The following TCF7L1 variants were observed in gnomAD, a reference collection of about 807,000 sequenced individuals.
TCF7L1 encodes the protein transcription factor 7 like 1.
In TCF7L1, 18 loss-of-function variants were observed where a neutral mutation model predicts 63.7. The ratio of observed to expected loss-of-function variants is 0.28; its 90% CI spans 0.20 to 0.42. TCF7L1 has a LOEUF of 0.42. TCF7L1 is among the 10% of genes least tolerant of loss of function. The pLI is 1.00. For synonymous variants in TCF7L1, 355 were observed against 340.9 expected, an observed-to-expected ratio of 1.04 and a Z score of -0.46; for missense variants, 654 against 779.3, an observed-to-expected ratio of 0.84 and a Z score of 1.91.
At position 85,309,646 on chromosome 2, in the gene TCF7L1, AAAAAC is replaced by A. The variant is rs989771911; in HGVS notation, c.*197_*201del. ...AGTAGCTGATCTTAAGGCTTTTTTA[AAAAAC>A]AAAACAAAACAACAAAAAAAAATCT... On this transcript the variant is annotated 3_prime_UTR_variant, in exon 12 of 12. Transcript: ENST00000282111. 1.3e-5 allele frequency: 7 copies of A among 526,018 alleles called. No homozygotes were observed. Among genetic ancestry groups the A allele is most frequent in the African/African-American group, 2.0e-5 (1 of 51,044 alleles). The allele number at this position is 526,018 out of a possible 1,614,324, so 32.6% of individuals were successfully genotyped here.
At chr2:85,236,903 T>C (rs967748987) in intron 3 of TCF7L1, among the ~76,000 whole-genome samples, 1 of 152,190 alleles carries the variant, frequency 6.6e-6, no homozygotes, top group Non-Finnish European at 1.5e-5. Flanking sequence ...TCCCTAAACC[T>C]GTCTACCACC....
chr2:85,256,262 T>A (rs575791946), intron 3 of TCF7L1, among the ~76,000 whole-genome samples: 1 of 150,478 alleles, frequency 6.6e-6, no homozygotes, highest in Admixed American at 6.6e-5. Context: ...AAGGCTGCTC[T>A]TTGTGTTCTC....
chr2:85,287,770 G>A (rs990922157), intron 4 of TCF7L1, among the ~76,000 whole-genome samples: 2 of 152,162 alleles, frequency 1.3e-5, no homozygotes, highest in African/African-American at 2.4e-5. Context: ...TCATTCCAAC[G>A]AGAGGTGTGT....
Position 85,306,396 on chromosome 2 carries a change from G to A in TCF7L1, c.1149+31G>A, listed in dbSNP as rs762368933. On this transcript the variant is annotated intron_variant, in intron 9 of 11. Transcript: ENST00000282111. This position sits in a 1 kb window ranked among gnomAD's most constrained non-coding sequence, Gnocchi z 4.3. ...ACCTGCCCTCTCCCTCCAGGCCAGG[G>A]AGGCAGCGTCCCTGCATTGATGGCT... 29 of 1,612,850 alleles carry A rather than the reference G, an allele frequency of 1.8e-5. No individual in the cohort carries two copies. The East Asian group carries it at 6.2e-4, about 35-fold the overall frequency.
intron 3 of TCF7L1, among the ~76,000 whole-genome samples, chr2:85,162,654 G>A (rs941524179): frequency 6.6e-6 from 1 of 152,094 alleles, no homozygotes; most frequent in African/African-American, 2.4e-5. Context: ...GGTCACCTTC[G>A]GTTGCCTTGG....
chr2:85,144,447 A>T (rs1424288790), intron 3 of TCF7L1, among the ~76,000 whole-genome samples: 1 of 151,562 alleles, frequency 6.6e-6, no homozygotes, highest in African/African-American at 2.4e-5. Flanking sequence ...AAAACCAAAA[A>T]AAACATTAGC....
Position 85,292,222 on chromosome 2 carries a change from G to A in TCF7L1, c.525+8644G>A, listed in dbSNP as rs1254809430. Reference sequence around the variant, plus strand: ...TTTTTAGTAGAGACGGGGTTTCACCGTTTTAGCCGGGATGGTCTCGATCTC... The same window carrying A: ...TTTTTAGTAGAGACGGGGTTTCACCATTTTAGCCGGGATGGTCTCGATCTC... On this transcript the variant is annotated intron_variant, in intron 4 of 11. Transcript: ENST00000282111. 3.4e-4 allele frequency among the ~76,000 whole-genome samples: 6 copies of A among 17,466 alleles called. 2 individuals are homozygous for A. The highest frequency in any genetic ancestry group is 3.9e-4 in the Non-Finnish European group (5 of 12,792). The allele number at this position is 17,466 out of a possible 152,430, so 11.5% of individuals were successfully genotyped here. A position where few individuals can be genotyped will look rare whatever the true frequency, so the allele number is the denominator to read the frequency against.
At chr2:85,147,181 C>T (rs1253232523) in intron 3 of TCF7L1, among the ~76,000 whole-genome samples, 1 of 152,144 alleles carries the variant, frequency 6.6e-6, no homozygotes, top group Admixed American at 6.5e-5. Context: ...ATTCAAAGTC[C>T]CTGTAGTCTC....
Position 85,306,400 on chromosome 2 carries a change from C to G in TCF7L1, c.1149+35C>G, listed in dbSNP as rs200601148. ...GCCCTCTCCCTCCAGGCCAGGGAGG[C>G]AGCGTCCCTGCATTGATGGCTCCGT... On this transcript the variant is annotated intron_variant, in intron 9 of 11. Coordinates refer to ENST00000282111, the MANE Select transcript of TCF7L1 (RefSeq NM_031283.3). This position sits in a 1 kb window ranked among gnomAD's most constrained non-coding sequence, Gnocchi z 4.3. 146 of 1,613,000 alleles carry G rather than the reference C, an allele frequency of 9.1e-5. 1 individual carries two copies. The highest frequency in any genetic ancestry group is 9.0e-4 in the Admixed American group (54 of 60,020).
At chr2:85,269,528 C>G (rs865978998) in intron 3 of TCF7L1, among the ~76,000 whole-genome samples, 1 of 152,046 alleles carries the variant, frequency 6.6e-6, no homozygotes, top group South Asian at 2.1e-4. Flanking sequence ...ACCATGTTGC[C>G]CAGGCTACTG....
intron 3 of TCF7L1, among the ~76,000 whole-genome samples, chr2:85,154,901 C>T (rs1678110171): frequency 6.6e-6 from 1 of 152,156 alleles, no homozygotes; most frequent in East Asian, 1.9e-4. Flanking sequence ...ACTGCAACCT[C>T]TGCCTCCCGG....
intron 3 of TCF7L1, among the ~76,000 whole-genome samples, chr2:85,229,289 G>A (rs1680022550): frequency 6.6e-6 from 1 of 152,186 alleles, no homozygotes; most frequent in South Asian, 2.1e-4. Flanking sequence ...GGAGCTTGCA[G>A]TGAGCTGAGA....
At chr2:85,200,375 T>C (rs1267090749) in intron 3 of TCF7L1, among the ~76,000 whole-genome samples, 1 of 152,214 alleles carries the variant, frequency 6.6e-6, no homozygotes, top group Non-Finnish European at 1.5e-5. Context: ...TACTCTCGAT[T>C]AACAACTTAT....
At chr2:85,135,200 G>A (rs1263954360) in intron 3 of TCF7L1, among the ~76,000 whole-genome samples, 1 of 152,174 alleles carries the variant, frequency 6.6e-6, no homozygotes, top group Non-Finnish European at 1.5e-5. Flanking sequence ...AAATGAGGGC[G>A]GATTCCTTCG....
In TCF7L1 at chr2:85,134,565, CTTG is replaced by C. The variant is rs1191589783; in HGVS notation, c.441+118_441+120del. 1 of 1,364,390 alleles carries C rather than the reference CTTG, an allele frequency of 7.3e-7. No homozygotes were observed. Among genetic ancestry groups the C allele is most frequent in the East Asian group, 2.7e-5 (1 of 36,790 alleles). The allele number at this position is 1,364,390 out of a possible 1,614,324, so 84.5% of individuals were successfully genotyped here. ...CCTTCTGCGCCGATCCCAAGCAGAA[CTTG>C]TTTGCGGAGTTGAACTACTCTCTGG... is the stretch of plus-strand genomic sequence containing the variant. On this transcript the variant is annotated intron_variant, in intron 3 of 11. Coordinates refer to ENST00000282111, the MANE Select transcript of TCF7L1 (RefSeq NM_031283.3). This position sits in a 1 kb window ranked among gnomAD's most constrained non-coding sequence, Gnocchi z 5.0.
At chr2:85,160,840 G>T (rs896938733) in intron 3 of TCF7L1, among the ~76,000 whole-genome samples, 1 of 152,118 alleles carries the variant, frequency 6.6e-6, no homozygotes, top group South Asian at 2.1e-4. Flanking sequence ...GACAGAGCAG[G>T]ACTCTGTCTC....
At position 85,306,200 on chromosome 2, in the gene TCF7L1, TC is replaced by T; in HGVS notation, c.990-3del. 6.2e-7 allele frequency: 1 copy of T among 1,613,908 alleles called. No homozygotes were observed. Among genetic ancestry groups the T allele is most frequent in the Non-Finnish European group, 8.5e-7 (1 of 1,179,968 alleles). ...CATGCTAACCTACAACCACGTGCCT[TC>T]CCAGGAAATCACCAGTCACCGTGAA... On this transcript the variant is annotated splice_polypyrimidine_tract_variant and splice_region_variant and intron_variant, in intron 8 of 11. Coordinates refer to ENST00000282111, the MANE Select transcript of TCF7L1 (RefSeq NM_031283.3). The surrounding 1 kb of genome is among the most constrained non-coding windows in gnomAD (Gnocchi z 4.3).
At chr2:85,291,998 T>TAAGGGAGAA (rs1573029156) in intron 4 of TCF7L1, among the ~76,000 whole-genome samples, 1 of 39,640 alleles carries the variant, frequency 2.5e-5, no homozygotes, top group African/African-American at 1.2e-4. Context: ...TATGTATTTT[T>TAAGGGAGAA]TTTTTTTTTT....
chr2:85,152,145 C>G (rs981230297), intron 3 of TCF7L1, among the ~76,000 whole-genome samples: 1 of 152,200 alleles, frequency 6.6e-6, no homozygotes, highest in Admixed American at 6.5e-5. Flanking sequence ...GGATGCTTCT[C>G]TGCTTACTGG....
Sources: allele counts gnomAD v4.1 joint callset (sites outside exome capture counted in the v4.1 genomes callset), GRCh38; gene constraint gnomAD v4.1.1; non-coding constraint Gnocchi (gnomAD v3.1); transcripts MANE v1.5; gene names NCBI Gene and HGNC (gene_info 2026-07-23, HGNC 2026-07-21).